The following HHAT variants were observed in gnomAD, a reference collection of about 807,000 sequenced individuals.
HHAT encodes the protein protein-cysteine N-palmitoyltransferase HHAT.
Under a neutral mutation model 70.8 loss-of-function variants are expected in HHAT, and 47 were observed. The ratio of observed to expected loss-of-function variants is 0.66; its 90% CI spans 0.53 to 0.85. The LOEUF is 0.85. HHAT is among the 40% of genes least tolerant of loss of function. HHAT has a pLI of 0.00. For missense variants in HHAT, 609 were observed against 604.8 expected, an observed-to-expected ratio of 1.01 and a Z score of -0.07; for synonymous variants, 228 against 247.6, an observed-to-expected ratio of 0.92 and a Z score of 0.74.
intron 8 of HHAT, among the ~76,000 whole-genome samples, chr1:210,502,910 T>G (rs570425476): frequency 3.5e-4 from 54 of 152,244 alleles, no homozygotes; most frequent in Non-Finnish European, 6.5e-4. Flanking sequence ...TTGCTGTCTA[T>G]ATACTCAAGA....
chr1:210,339,301 C>G (rs1203111830), intron 1 of HHAT, among the ~76,000 whole-genome samples: 1 of 152,108 alleles, frequency 6.6e-6, no homozygotes, highest in Non-Finnish European at 1.5e-5. Context: ...TGAAAGGTAG[C>G]TTTTCAACTA....
At chr1:210,595,736 A>C (rs554023089) in intron 10 of HHAT, among the ~76,000 whole-genome samples, 9 of 151,984 alleles carry the variant, frequency 5.9e-5, no homozygotes, top group East Asian at 5.8e-4. Context: ...GCATTTTTTC[A>C]TGTGTCTTTT....
chr1:210,623,627 C>A lies in HHAT; in HGVS notation c.1347C>A (p.Gly449=), dbSNP rs745695828. ...TGTCCAACCTGGTATTTCTTGGGGG[C>A]AATGAGGTTGGGAAAACCTACTGGA... ...LILSNLVFLG[G]NEVGKTYWNR... The change falls in exon 11 of 12, where the codon GGC becomes GGA. Residue 449 remains glycine, a synonymous_variant. Transcript: ENST00000261458. The A allele has an allele frequency of 2.5e-6, 4 of 1,613,838 alleles. No homozygotes were observed. The highest frequency in any genetic ancestry group is 4.5e-5 in the East Asian group (2 of 44,886).
intron 8 of HHAT, among the ~76,000 whole-genome samples, chr1:210,474,226 A>G (rs531431751): frequency 6.6e-6 from 1 of 152,172 alleles, no homozygotes; most frequent in Non-Finnish European, 1.5e-5. Flanking sequence ...TAACAAACCG[A>G]TATTTTCTAA....
intron 9 of HHAT, among the ~76,000 whole-genome samples, chr1:210,565,978 G>A (rs893362799): frequency 5.3e-5 from 8 of 152,104 alleles, no homozygotes; most frequent in African/African-American, 1.7e-4. Context: ...AACTATAGGG[G>A]GTCATTCTTG....
chr1:210,386,230 C>CT (rs869305965), intron 3 of HHAT, among the ~76,000 whole-genome samples: 2,293 of 69,898 alleles, frequency 0.033, 250 homozygotes, highest in African/African-American at 0.081. Flanking sequence ...TTCTTTTTTT[C>CT]TTTTTTTTTT....
intron 9 of HHAT, among the ~76,000 whole-genome samples, chr1:210,521,534 T>G (rs184938659): frequency 3.3e-4 from 51 of 152,352 alleles, no homozygotes; most frequent in African/African-American, 1.2e-3. Flanking sequence ...TTTTTAGCTT[T>G]CTTTATATTG....
chr1:210,537,439 C>T (rs895554007), intron 9 of HHAT, among the ~76,000 whole-genome samples: 10 of 152,284 alleles, frequency 6.6e-5, no homozygotes, highest in African/African-American at 2.2e-4. Context: ...TTCATAGACA[C>T]CCCCCTTTCC....
At chr1:210,539,569 G>A (rs953113462) in intron 9 of HHAT, among the ~76,000 whole-genome samples, 47 of 152,186 alleles carry the variant, frequency 3.1e-4, no homozygotes, top group African/African-American at 1.0e-3. Flanking sequence ...TCTTCTTCGA[G>A]GATTTTGGGA....
chr1:210,500,364 T>C (rs2094729530), intron 8 of HHAT, among the ~76,000 whole-genome samples: 2 of 152,232 alleles, frequency 1.3e-5, no homozygotes, highest in Non-Finnish European at 2.9e-5. Flanking sequence ...AATAGCCTTA[T>C]ATTAGTTTTG....
At chr1:210,577,508 C>T (rs565798706) in intron 9 of HHAT, among the ~76,000 whole-genome samples, 1 of 152,172 alleles carries the variant, frequency 6.6e-6, no homozygotes, top group South Asian at 2.1e-4. Flanking sequence ...TTGAGACATC[C>T]TTGCACCTTA....
intron 2 of HHAT, among the ~76,000 whole-genome samples, chr1:210,352,047 A>G (rs925013603): frequency 6.6e-5 from 10 of 152,204 alleles, no homozygotes; most frequent in Non-Finnish European, 1.5e-4. Flanking sequence ...GTCCAAGGTC[A>G]TATATTTAAT....
chr1:210,527,371 G>A (rs1258160648), intron 9 of HHAT, among the ~76,000 whole-genome samples: 1 of 152,144 alleles, frequency 6.6e-6, no homozygotes, highest in Non-Finnish European at 1.5e-5. Context: ...CAGCTTAACA[G>A]CTTCATGCTT....
chr1:210,406,716 A>G (rs2092345595), intron 6 of HHAT, among the ~76,000 whole-genome samples: 1 of 152,068 alleles, frequency 6.6e-6, no homozygotes, highest in African/African-American at 2.4e-5. Flanking sequence ...AGGGTCTAGT[A>G]AGAATATTAG....
Position 210,629,763 on chromosome 1 carries a change from T to C in HHAT, c.1390+6093T>C, listed in dbSNP as rs551014532. ...GCAGTGTAGCATCTTCAAACCATGTTTCTTCATCTCTCTGCTTCTGTCACA... is the reference window on the plus strand; with the variant it reads ...GCAGTGTAGCATCTTCAAACCATGTCTCTTCATCTCTCTGCTTCTGTCACA... On this transcript the variant is annotated intron_variant, in intron 11 of 11. Coordinates refer to ENST00000261458, the MANE Select transcript of HHAT (RefSeq NM_018194.6). Among the ~76,000 whole-genome samples the C allele has an allele frequency of 4.5e-4, 69 of 152,188 alleles. 1 individual carries two copies. Among genetic ancestry groups the C allele is most frequent in the Admixed American group, 8.5e-4 (13 of 15,264 alleles).
Position 210,653,248 on chromosome 1 carries a change from A to G in HHAT, c.1391-21040A>G, listed in dbSNP as rs145841323. Among the ~76,000 whole-genome samples the G allele has an allele frequency of 1.2e-3, 178 of 152,318 alleles. 1 individual carries two copies. The highest frequency in any genetic ancestry group is 4.2e-3 in the African/African-American group (174 of 41,564). On this transcript the variant is annotated intron_variant, in intron 11 of 11. Coordinates refer to ENST00000261458, the MANE Select transcript of HHAT (RefSeq NM_018194.6). ...AAAAACAATACATATTTTAGAATGA[A>G]AAGTCAACTACCAGCTGGGTGCAGT...
At chr1:210,528,203 C>T (rs192955538) in intron 9 of HHAT, among the ~76,000 whole-genome samples, 6 of 152,252 alleles carry the variant, frequency 3.9e-5, no homozygotes, top group Non-Finnish European at 8.8e-5. Flanking sequence ...TCACAATGCA[C>T]CAGACCCAGG....
chr1:210,673,969 T>TTA (rs1553331541), intron 11 of HHAT, among the ~76,000 whole-genome samples: 6 of 150,330 alleles, frequency 4.0e-5, no homozygotes, highest in African/African-American at 7.3e-5. Flanking sequence ...TTTTTTTTTT[T>TTA]TTATTATACT....
chr1:210,572,917 T>G (rs1006193011), intron 9 of HHAT, among the ~76,000 whole-genome samples: 1 of 152,152 alleles, frequency 6.6e-6, no homozygotes, highest in African/African-American at 2.4e-5. Context: ...CTGTGCATTT[T>G]GCAGTTGCCT....
Sources: allele counts gnomAD v4.1 joint callset (sites outside exome capture counted in the v4.1 genomes callset), GRCh38; gene constraint gnomAD v4.1.1; transcripts MANE v1.5; gene names NCBI Gene and HGNC (gene_info 2026-07-23, HGNC 2026-07-21).